The following ZDHHC15 variants were observed in gnomAD, a reference collection of about 807,000 sequenced individuals.
ZDHHC15 encodes zDHHC palmitoyltransferase 15.
A neutral mutation model predicts 31.7 loss-of-function variants in ZDHHC15; 19 were observed. The observed-to-expected ratio is 0.60, with a 90% CI of 0.42 to 0.88. The LOEUF (loss-of-function observed/expected upper bound fraction) is 0.88. ZDHHC15 is among the 40% of genes least tolerant of loss of function. The pLI is 0.00. For synonymous variants in ZDHHC15, 103 were observed against 90.0 expected (o/e 1.14, Z -0.82); for missense variants, 209 against 251.2 (o/e 0.83, Z 1.14).
At chrX:75,409,870 T>C (rs982907140) in intron 10 of ZDHHC15, among the ~76,000 whole-genome samples, 1 of 103,954 alleles carries the variant, frequency 9.6e-6, no homozygotes, top group Non-Finnish European at 2.0e-5. Flanking sequence ...GCATGGTGCA[T>C]GGTGTTGGGA....
In ZDHHC15 at chrX:75,445,886, C is replaced by T. The variant is rs762086569; in HGVS notation, c.379+4916G>A. ...GCTTCCAACTGCCCATGGTATTGGC[C>T]TCTCCAATCCTGTCTGAAGGGATCA... On this transcript the variant is annotated intron_variant, in intron 4 of 11. Transcript: ENST00000373367. 4.5e-5 allele frequency among the ~76,000 whole-genome samples: 5 copies of T among 111,387 alleles called. No homozygotes were observed. In the South Asian group the frequency reaches 1.1e-3, roughly 25 times the overall value.
intron 2 of ZDHHC15, among the ~76,000 whole-genome samples, chrX:75,495,613 G>A (rs1237001523): frequency 1.8e-5 from 2 of 110,444 alleles, no homozygotes; most frequent in African/African-American, 6.6e-5. Flanking sequence ...AAAAAATGAT[G>A]AGTTCATGTC....
chrX:75,371,479 T>A lies in ZDHHC15; in HGVS notation c.*1499A>T, dbSNP rs192956187. Reference sequence around the variant, plus strand: ...GGTCAAAATTACCTAGGGATCCAGATGAACAGGTTTTGTTGTTGCTTTAAG... The same window carrying A: ...GGTCAAAATTACCTAGGGATCCAGAAGAACAGGTTTTGTTGTTGCTTTAAG... On this transcript the variant is annotated 3_prime_UTR_variant, in exon 12 of 12. Coordinates refer to ENST00000373367, the MANE Select transcript of ZDHHC15 (RefSeq NM_144969.3). The A allele has an allele frequency of 8.9e-6, 1 of 112,195 alleles. No homozygotes were observed. Among genetic ancestry groups the A allele is most frequent in the Admixed American group, 9.5e-5 (1 of 10,579 alleles). The allele number at this position is 112,195 out of a possible 1,213,427, so 9.2% of individuals were successfully genotyped here. A position where few individuals can be genotyped will look rare whatever the true frequency, so the allele number is the denominator to read the frequency against.
intron 5 of ZDHHC15, among the ~76,000 whole-genome samples, chrX:75,430,925 T>C (rs147543598): frequency 9.9e-5 from 11 of 111,220 alleles, no homozygotes; most frequent in African/African-American, 3.6e-4. Flanking sequence ...TAATCCTAAA[T>C]ACTGTCAAGG....
At chrX:75,383,205 T>G in intron 10 of ZDHHC15, among the ~76,000 whole-genome samples, 1 of 112,025 alleles carries the variant, frequency 8.9e-6, no homozygotes, top group East Asian at 2.8e-4. Flanking sequence ...CAAAATGGGG[T>G]TATTTAATGT....
chrX:75,518,790 T>TAC (rs1569376247), intron 1 of ZDHHC15, among the ~76,000 whole-genome samples: 4 of 25,550 alleles, frequency 1.6e-4, no homozygotes, highest in African/African-American at 4.5e-4. Flanking sequence ...TATATATATA[T>TAC]ATATATATAT....
chrX:75,446,032 G>T (rs182932150), intron 4 of ZDHHC15, among the ~76,000 whole-genome samples: 1 of 111,303 alleles, frequency 9.0e-6, no homozygotes, highest in Non-Finnish European at 1.9e-5. Flanking sequence ...GATCCCTAAA[G>T]GTAAGGTACA....
intron 10 of ZDHHC15, among the ~76,000 whole-genome samples, chrX:75,392,760 A>G (rs2083260115): frequency 1.8e-5 from 2 of 112,066 alleles, no homozygotes; most frequent in African/African-American, 3.2e-5. Context: ...TCTTAGTACA[A>G]GTGTATATAG....
chrX:75,376,483 A>G (rs1446472243), intron 11 of ZDHHC15, among the ~76,000 whole-genome samples: 2 of 111,450 alleles, frequency 1.8e-5, no homozygotes, highest in Non-Finnish European at 3.8e-5. Context: ...GCCAAGGCCA[A>G]TGTTGAGAAG....
At chrX:75,499,156 C>T (rs1028680726) in intron 2 of ZDHHC15, among the ~76,000 whole-genome samples, 1 of 111,340 alleles carries the variant, frequency 9.0e-6, no homozygotes, top group Non-Finnish European at 1.9e-5. Flanking sequence ...AAGACTTAAC[C>T]TAAGACCTGA....
intron 3 of ZDHHC15, among the ~76,000 whole-genome samples, chrX:75,459,757 A>T (rs1329004026): frequency 1.8e-5 from 2 of 112,160 alleles, no homozygotes; most frequent in Non-Finnish European, 3.8e-5. Flanking sequence ...GAGAGTGAAA[A>T]TTGTCCCGAT....
At chrX:75,444,685 T>G (rs201888372) in intron 4 of ZDHHC15, among the ~76,000 whole-genome samples, 15 of 31,088 alleles carry the variant, frequency 4.8e-4, no homozygotes, top group African/African-American at 1.5e-3. Context: ...TATATATATA[T>G]ATACACACAC....
intron 3 of ZDHHC15, among the ~76,000 whole-genome samples, chrX:75,454,921 T>A (rs1369420975): frequency 2.7e-5 from 3 of 111,179 alleles, no homozygotes. Flanking sequence ...AGAATCAATA[T>A]CCTGAAAATG....
intron 4 of ZDHHC15, among the ~76,000 whole-genome samples, chrX:75,438,534 C>A (rs2083894693): frequency 2.7e-5 from 3 of 111,020 alleles, no homozygotes; most frequent in African/African-American, 9.8e-5. Flanking sequence ...ACTCCTGTAC[C>A]TTAAGTTTAT....
rs1289518725 is a variant in ZDHHC15 at position 75,369,964 on chromosome X, T to C, written c.*3014A>G. ...CCCCTTAATTTTTCCAGCTGTACCATGGGGAACAATTTTTTTATTCTGTCT... is the reference window on the plus strand; with the variant it reads ...CCCCTTAATTTTTCCAGCTGTACCACGGGGAACAATTTTTTTATTCTGTCT... On this transcript the variant is annotated 3_prime_UTR_variant, in exon 12 of 12. Coordinates refer to ENST00000373367, the MANE Select transcript of ZDHHC15 (RefSeq NM_144969.3). 9.0e-6 allele frequency: 1 copy of C among 111,537 alleles called. No individual in the cohort carries two copies. The highest frequency in any genetic ancestry group is 2.8e-4 in the East Asian group (1 of 3,546). The allele number at this position is 111,537 out of a possible 1,213,427, so 9.2% of individuals were successfully genotyped here.
intron 3 of ZDHHC15, 38 bp from the exon 4 acceptor site, chrX:75,450,960 A>T (rs2084107756): frequency 8.5e-7 from 1 of 1,174,717 alleles, no homozygotes; most frequent in South Asian, 1.9e-5. Context: ...TTATTATCTA[A>T]AGTTAATAGA....
intron 9 of ZDHHC15, among the ~76,000 whole-genome samples, chrX:75,421,403 A>ACATACAT: frequency 1.6e-4 from 1 of 6,184 alleles, no homozygotes; most frequent in South Asian, 6.7e-3. Context: ...TATATATTAT[A>ACATACAT]TATATATAAT....
chrX:75,436,564 A>G (rs1194118200), intron 4 of ZDHHC15, among the ~76,000 whole-genome samples: 1 of 112,121 alleles, frequency 8.9e-6, no homozygotes, highest in Non-Finnish European at 1.9e-5. Context: ...AGAATTTTTA[A>G]AACTTCCATC....
At chrX:75,402,452 G>C (rs1490093226) in intron 10 of ZDHHC15, among the ~76,000 whole-genome samples, 1 of 110,528 alleles carries the variant, frequency 9.0e-6, no homozygotes, top group African/African-American at 3.3e-5. Context: ...ACAAATCCAG[G>C]AACTGGTTTT....
Sources: gnomAD v4.1 joint callset for allele counts (sites outside exome capture counted in the v4.1 genomes callset) on GRCh38, gnomAD v4.1.1 for gene constraint, MANE v1.5 for transcripts, NCBI Gene and HGNC (gene_info 2026-07-23, HGNC 2026-07-21) for gene names.